TBC1D12: variants seen among roughly 807,000 people sequenced by gnomAD.
TBC1D12 encodes the protein TBC1 domain family member 12.
Under a neutral mutation model 86.7 loss-of-function variants are expected in TBC1D12, and 56 were observed. The observed-to-expected ratio is 0.65, with a 90% CI of 0.52 to 0.81. The LOEUF (loss-of-function observed/expected upper bound fraction) is 0.81, where lower values mean the gene tolerates loss of function less well. TBC1D12 is among the 30% of genes least tolerant of loss of function. TBC1D12 has a pLI of 0.00. For missense variants in TBC1D12, 1,023 were observed against 1,038.8 expected (o/e 0.98, Z 0.21); for synonymous variants, 421 against 411.7 (o/e 1.02, Z -0.27).
intron 9 of TBC1D12, among the ~76,000 whole-genome samples, chr10:94,515,764 C>T (rs79146666): frequency 6.6e-6 from 1 of 152,148 alleles, no homozygotes; most frequent in African/African-American, 2.4e-5. Flanking sequence ...CACAATAAGA[C>T]ATAAACAGCA....
At chr10:94,419,648 G>A (rs1445316715) in intron 1 of TBC1D12, among the ~76,000 whole-genome samples, 3 of 152,048 alleles carry the variant, frequency 2.0e-5, no homozygotes, top group Non-Finnish European at 2.9e-5. Flanking sequence ...TAGCCTGGGC[G>A]ACAGAGCAAG....
At position 94,402,704 on chromosome 10, in the gene TBC1D12, A is replaced by G. The variant is rs373772939; in HGVS notation, c.91A>G (p.Lys31Glu). 19 of 1,594,044 alleles carry G rather than the reference A, an allele frequency of 1.2e-5. 1 individual carries two copies. The East Asian group carries it at 1.8e-4, about 15-fold the overall frequency. Residue 31 changes from lysine to glutamate, a missense_variant, in exon 1 of 13, where the codon AAG (lysine) becomes GAG (glutamate). Lys to Glu is a moderately conservative substitution (Grantham distance 56). Coordinates refer to ENST00000225235, the MANE Select transcript of TBC1D12 (RefSeq NM_015188.2). ...GCCGGACCCCGTGGGCCAGGACAGG[A>G]AGGTAATCCGGGCCACGGGCGGCTT... ...PAPDPVGQDR[K>E]VIRATGGFGG...
chr10:94,423,699 T>G (rs2055109641), intron 1 of TBC1D12, among the ~76,000 whole-genome samples: 2 of 152,090 alleles, frequency 1.3e-5, no homozygotes, highest in South Asian at 4.1e-4. Flanking sequence ...ATTAAAAAAC[T>G]TGGGGGGTCT....
intron 12 of TBC1D12, among the ~76,000 whole-genome samples, chr10:94,531,954 C>T (rs1040693024): frequency 6.6e-6 from 1 of 150,458 alleles, no homozygotes; most frequent in African/African-American, 2.5e-5. Context: ...GATCTCGGCT[C>T]ACTGCAAGCT....
intron 2 of TBC1D12, among the ~76,000 whole-genome samples, chr10:94,462,561 T>C (rs2055746417): frequency 6.6e-6 from 1 of 152,230 alleles, no homozygotes. Context: ...TTTTTAGTTA[T>C]AAATTTAATG....
rs150623535 is a variant in TBC1D12, at chr10:94,409,862, A to G, written c.971+6278A>G. 3.0e-3 allele frequency among the ~76,000 whole-genome samples: 453 copies of G among 152,316 alleles called. 3 individuals carry two copies. The highest frequency in any genetic ancestry group is 0.01 in the African/African-American group (427 of 41,576). Reference sequence around the variant, plus strand: ...TAGAAAAGTTGCAAAGGTAATACCAAGAGTTTCCACACCCCTCCCCCAGTT... The same window carrying G: ...TAGAAAAGTTGCAAAGGTAATACCAGGAGTTTCCACACCCCTCCCCCAGTT... On this transcript the variant is annotated intron_variant, in intron 1 of 12. Transcript: ENST00000225235.
intron 2 of TBC1D12, among the ~76,000 whole-genome samples, chr10:94,446,670 G>A (rs1007268461): frequency 1.1e-4 from 16 of 152,042 alleles, no homozygotes; most frequent in Admixed American, 9.2e-4. Flanking sequence ...CACTACAGGC[G>A]CACACCACTG....
chr10:94,406,582 T>C (rs2054856270), intron 1 of TBC1D12, among the ~76,000 whole-genome samples: 2 of 152,184 alleles, frequency 1.3e-5, no homozygotes, highest in South Asian at 4.1e-4. Flanking sequence ...CTTTCATGGA[T>C]TCCCTTTTAC....
intron 1 of TBC1D12, among the ~76,000 whole-genome samples, chr10:94,425,795 G>A (rs1409455496): frequency 6.6e-6 from 1 of 152,088 alleles, no homozygotes; most frequent in African/African-American, 2.4e-5. Flanking sequence ...GAATCTTTCA[G>A]TTCTTCAGCA....
At chr10:94,487,506 G>T (rs1439333863) in intron 3 of TBC1D12, among the ~76,000 whole-genome samples, 1 of 151,062 alleles carries the variant, frequency 6.6e-6, no homozygotes, top group African/African-American at 2.4e-5. Context: ...TTACCATGTG[G>T]CTTGCAAATA....
At chr10:94,456,455 A>G (rs1158420956) in intron 2 of TBC1D12, among the ~76,000 whole-genome samples, 1 of 152,178 alleles carries the variant, frequency 6.6e-6, no homozygotes, top group Non-Finnish European at 1.5e-5. Flanking sequence ...GTGTTGTTTA[A>G]TCTCCAAGTA....
intron 1 of TBC1D12, among the ~76,000 whole-genome samples, chr10:94,433,413 C>G (rs776959637): frequency 1.3e-5 from 2 of 152,108 alleles, no homozygotes; most frequent in Admixed American, 6.5e-5. Flanking sequence ...GTCACTGCAC[C>G]TGGCTAATGC....
intron 1 of TBC1D12, among the ~76,000 whole-genome samples, chr10:94,439,948 C>A (rs1365713372): frequency 6.6e-6 from 1 of 152,158 alleles, no homozygotes; most frequent in Non-Finnish European, 1.5e-5. Context: ...ATAGACCATC[C>A]TTTGAGGCTT....
chr10:94,450,999 G>A (rs950049006), intron 2 of TBC1D12, among the ~76,000 whole-genome samples: 2 of 152,004 alleles, frequency 1.3e-5, no homozygotes, highest in Non-Finnish European at 2.9e-5. Context: ...TAGAACAGAG[G>A]ATACTAAAGG....
chr10:94,467,575 CAT>C (rs1345924194), intron 2 of TBC1D12, among the ~76,000 whole-genome samples: 9 of 152,124 alleles, frequency 5.9e-5, no homozygotes, highest in Non-Finnish European at 1.3e-4. Flanking sequence ...GATGTTTACT[CAT>C]ATATAAATAT....
chr10:94,525,497 G>C (rs35774063), intron 11 of TBC1D12, among the ~76,000 whole-genome samples: 1 of 151,120 alleles, frequency 6.6e-6, no homozygotes, highest in Non-Finnish European at 1.5e-5. Context: ...CCAGCCACTC[G>C]GGAGGCTGAG....
intron 11 of TBC1D12, among the ~76,000 whole-genome samples, chr10:94,528,861 G>GA (rs1468343419): frequency 0.064 from 294 of 4,628 alleles, 2 homozygotes; most frequent in African/African-American, 0.093. Flanking sequence ...AATTTGAGGA[G>GA]GGGGAAGAGT....
chr10:94,431,421 AAAAAG>A (rs202246842), intron 1 of TBC1D12, among the ~76,000 whole-genome samples: 51,183 of 148,368 alleles, frequency 0.34, 9,254 homozygotes, highest in East Asian at 0.68. Context: ...AAAAAAAAAA[AAAAAG>A]AAAAGAAAGA....
chr10:94,536,170 G>A lies in TBC1D12; in HGVS notation c.*3074G>A, dbSNP rs1312033790. On this transcript the variant is annotated 3_prime_UTR_variant, in exon 13 of 13. Coordinates refer to ENST00000225235, the MANE Select transcript of TBC1D12 (RefSeq NM_015188.2). ...ACATGGTCAGTATATGGCAGTTTTT[G>A]TTGTTGTTGTTACAGTATATTTTCA... 6.6e-6 allele frequency among the ~76,000 whole-genome samples: 1 copy of A among 151,756 alleles called. No individual in the cohort carries two copies. The highest frequency in any genetic ancestry group is 2.4e-5 in the African/African-American group (1 of 41,312).
Sources: gnomAD v4.1 joint callset for allele counts (sites outside exome capture counted in the v4.1 genomes callset) on GRCh38, gnomAD v4.1.1 for gene constraint, MANE v1.5 for transcripts, NCBI Gene and HGNC (gene_info 2026-07-23, HGNC 2026-07-21) for gene names.